DLG2: variants seen among roughly 807,000 people sequenced by gnomAD.
The protein encoded by DLG2 is disks large homolog 2.
A neutral mutation model predicts 132.5 loss-of-function variants in DLG2; 45 were observed. The ratio of observed to expected loss-of-function variants is 0.34; its 90% CI spans 0.27 to 0.44. DLG2 has a LOEUF of 0.44. Ranked by LOEUF, DLG2 falls within the 20% of genes least tolerant of loss-of-function variation. DLG2 has a pLI of 1.00. For missense variants in DLG2, 1,045 were observed against 1,196.9 expected (o/e 0.87, Z 1.87); for synonymous variants, 424 against 419.6 (o/e 1.01, Z -0.13).
At chr11:85,252,263 T>C (rs1016295808) in intron 4 of DLG2, among the ~76,000 whole-genome samples, 2 of 152,226 alleles carry the variant, frequency 1.3e-5, no homozygotes, top group Admixed American at 1.3e-4. Flanking sequence ...AGGGATCTTT[T>C]GTGAATGCAC....
chr11:84,489,723 A>G (rs2099159847), intron 7 of DLG2, among the ~76,000 whole-genome samples: 1 of 152,096 alleles, frequency 6.6e-6, no homozygotes, highest in Non-Finnish European at 1.5e-5. Flanking sequence ...TTTTCCATGC[A>G]TCCAAATGCA....
intron 9 of DLG2, among the ~76,000 whole-genome samples, chr11:84,105,228 C>T (rs1261111899): frequency 2.6e-5 from 4 of 152,100 alleles, no homozygotes; most frequent in African/African-American, 7.2e-5. Context: ...TAAAGTGATA[C>T]GGTTTAGTGG....
Position 84,753,988 on chromosome 11 carries a change from A to G in DLG2, c.358-219257T>C, listed in dbSNP as rs114233710. On this transcript the variant is annotated intron_variant, in intron 6 of 27. Coordinates refer to ENST00000376104, the MANE Select transcript of DLG2 (RefSeq NM_001142699.3). The stretch of plus-strand genomic sequence containing the variant: ...CAATGCGTTTTGCAAAGTGGAGATC[A>G]TGAGGGACAGACTGAAGCTGCTTCA... Among the ~76,000 whole-genome samples the G allele has an allele frequency of 7.3e-3, 1,118 of 152,316 alleles. 16 individuals carry two copies. The highest frequency in any genetic ancestry group is 0.025 in the African/African-American group (1,020 of 41,562).
intron 6 of DLG2, among the ~76,000 whole-genome samples, chr11:85,059,445 T>G (rs896111668): frequency 1.3e-5 from 2 of 151,582 alleles, no homozygotes; most frequent in African/African-American, 4.8e-5. Flanking sequence ...CACCCAAAGT[T>G]TACAAAAATG....
chr11:83,818,854 G>T (rs1305507161), intron 17 of DLG2, among the ~76,000 whole-genome samples: 1 of 152,082 alleles, frequency 6.6e-6, no homozygotes, highest in Non-Finnish European at 1.5e-5. Flanking sequence ...AGGAAAAGGG[G>T]AAAGATAAAT....
chr11:85,528,679 A>G (rs1331944501), intron 3 of DLG2, among the ~76,000 whole-genome samples: 2 of 152,208 alleles, frequency 1.3e-5, no homozygotes, highest in African/African-American at 4.8e-5. Context: ...CCCAAATCAG[A>G]GTAGTTACAT....
intron 6 of DLG2, among the ~76,000 whole-genome samples, chr11:85,033,841 A>G (rs2061224525): frequency 6.6e-6 from 1 of 152,238 alleles, no homozygotes; most frequent in African/African-American, 2.4e-5. Context: ...TATTAATTCC[A>G]CTGGAATATT....
intron 3 of DLG2, among the ~76,000 whole-genome samples, chr11:85,380,741 A>G (rs899411041): frequency 6.6e-6 from 1 of 152,238 alleles, no homozygotes; most frequent in African/African-American, 2.4e-5. Context: ...CTATGCATCA[A>G]ATTGGATTTG....
chr11:84,531,553 T>A (rs1333678685), intron 7 of DLG2, among the ~76,000 whole-genome samples: 2 of 152,080 alleles, frequency 1.3e-5, no homozygotes, highest in Non-Finnish European at 1.5e-5. Context: ...CTCGAGAAGG[T>A]CATGATGAAA....
At chr11:83,734,340 CT>C in intron 18 of DLG2, among the ~76,000 whole-genome samples, 1 of 3,372 alleles carries the variant, frequency 3.0e-4, no homozygotes. Flanking sequence ...CTAATTTTCC[CT>C]TCCTTCCTTC....
At chr11:83,829,405 C>T (rs1162026087) in intron 17 of DLG2, among the ~76,000 whole-genome samples, 1 of 152,056 alleles carries the variant, frequency 6.6e-6, no homozygotes, top group Admixed American at 6.6e-5. Context: ...CCATGTTGGC[C>T]TGGCTGGTCT....
chr11:83,542,649 C>CAT (rs2096112874), intron 19 of DLG2, among the ~76,000 whole-genome samples: 1 of 152,160 alleles, frequency 6.6e-6, no homozygotes, highest in Non-Finnish European at 1.5e-5. Flanking sequence ...GGCCAATGCA[C>CAT]TGTAATATGT....
chr11:84,103,130 T>G (rs1031117763), intron 9 of DLG2, among the ~76,000 whole-genome samples: 1 of 152,098 alleles, frequency 6.6e-6, no homozygotes, highest in Non-Finnish European at 1.5e-5. Flanking sequence ...TTACAAGAGA[T>G]TCATCTGAAT....
At chr11:83,777,243 T>G (rs1020506374) in intron 18 of DLG2, among the ~76,000 whole-genome samples, 1 of 152,220 alleles carries the variant, frequency 6.6e-6, no homozygotes, top group Non-Finnish European at 1.5e-5. Context: ...GTGAGGAAGC[T>G]AAGAGGAGAA....
chr11:84,845,840 C>A (rs1003869758), intron 6 of DLG2, among the ~76,000 whole-genome samples: 5 of 151,820 alleles, frequency 3.3e-5, no homozygotes, highest in African/African-American at 1.2e-4. Context: ...CCAACACACC[C>A]AGCTAATTTT....
chr11:85,004,127 G>T (rs932623257), intron 6 of DLG2, among the ~76,000 whole-genome samples: 10 of 152,028 alleles, frequency 6.6e-5, no homozygotes, highest in African/African-American at 2.4e-4. Flanking sequence ...TCATTGATGG[G>T]CATTTGGGTT....
chr11:84,622,482 G>A (rs954667285), intron 6 of DLG2, among the ~76,000 whole-genome samples: 1 of 152,224 alleles, frequency 6.6e-6, no homozygotes. Context: ...TCCCACAGTG[G>A]ACTGAAAACT....
intron 6 of DLG2, among the ~76,000 whole-genome samples, chr11:85,066,506 A>G (rs2064944990): frequency 6.6e-6 from 1 of 151,700 alleles, no homozygotes; most frequent in Non-Finnish European, 1.5e-5. Flanking sequence ...AAAAAATTAT[A>G]GGCCAATATA....
At chr11:84,470,611 A>C (rs1011345078) in intron 7 of DLG2, among the ~76,000 whole-genome samples, 6 of 151,806 alleles carry the variant, frequency 4.0e-5, no homozygotes, top group Non-Finnish European at 8.8e-5. Flanking sequence ...AAAAGTAAGT[A>C]TGCAACGTAC....
Sources: allele counts gnomAD v4.1 joint callset (sites outside exome capture counted in the v4.1 genomes callset), GRCh38; gene constraint gnomAD v4.1.1; transcripts MANE v1.5; gene names NCBI Gene and HGNC (gene_info 2026-07-23, HGNC 2026-07-21).